The following CDKL5 variants were observed in gnomAD, a reference collection of about 807,000 sequenced individuals.
CDKL5 encodes the protein cyclin-dependent kinase-like 5.
CDKL5 carries 8 observed loss-of-function variants against 61.7 expected under a neutral mutation model. The ratio of observed to expected loss-of-function variants is 0.13; its 90% CI spans 0.08 to 0.23. CDKL5 has a LOEUF of 0.23. Ranked by LOEUF, CDKL5 falls within the 10% of genes least tolerant of loss-of-function variation. The pLI is 1.00. For synonymous variants in CDKL5, 275 were observed against 272.3 expected (o/e 1.01, Z -0.10); for missense variants, 440 against 734.5 (o/e 0.60, Z 4.63).
intron 3 of CDKL5, among the ~76,000 whole-genome samples, chrX:18,557,430 A>G (rs534755027): frequency 2.7e-5 from 3 of 111,686 alleles, no homozygotes; most frequent in African/African-American, 9.8e-5. Flanking sequence ...GGATTTTGGT[A>G]TCCTCGGGGA....
Position 18,515,777 on chromosome X carries a change from C to T in CDKL5, c.99+4923C>T, listed in dbSNP as rs183995099. On this transcript the variant is annotated intron_variant, in intron 3 of 17. Coordinates refer to ENST00000623535, the MANE Select transcript of CDKL5 (RefSeq NM_001323289.2). The stretch of plus-strand genomic sequence containing the variant: ...TAGACACTCTACTAGATGTCTCAAC[C>T]ACTACAACAAGATAACTCTATTCTT... Among the ~76,000 whole-genome samples the T allele has an allele frequency of 2.7e-5, 3 of 111,282 alleles. No individual in the cohort carries two copies. The Admixed American group carries it at 2.9e-4, about 11-fold the overall frequency.
intron 3 of CDKL5, among the ~76,000 whole-genome samples, chrX:18,527,852 T>C (rs1923501482): frequency 8.9e-6 from 1 of 112,206 alleles, no homozygotes; most frequent in Admixed American, 9.5e-5. Flanking sequence ...TATAAACTTT[T>C]CTCTAAGTGC....
chrX:18,593,243 A>G (rs1350075052), intron 9 of CDKL5, among the ~76,000 whole-genome samples: 2 of 112,255 alleles, frequency 1.8e-5, no homozygotes, highest in Admixed American at 9.4e-5. Context: ...AGTTTTGGCT[A>G]TTTGTTGAAT....
rs1927232260 is a variant in CDKL5, at chrX:18,631,370, TG to T, written c.*2614del. 1 of 754,715 alleles carries T rather than the reference TG, an allele frequency of 1.3e-6. No homozygotes were observed. The highest frequency in any genetic ancestry group is 1.6e-6 in the Non-Finnish European group (1 of 639,442). The allele number at this position is 754,715 out of a possible 1,213,427, so 62.2% of individuals were successfully genotyped here. A position where few individuals can be genotyped will look rare whatever the true frequency, so the allele number is the denominator to read the frequency against. The stretch of plus-strand genomic sequence containing the variant: ...TGTTCTGACTTTTCATCCAATAAGC[TG>T]TAAGTGAACTACAATCTGCATTTCC... On this transcript the variant is annotated 3_prime_UTR_variant, in exon 18 of 18. Coordinates refer to ENST00000623535, the MANE Select transcript of CDKL5 (RefSeq NM_001323289.2).
chrX:18,571,430 A>C lies in CDKL5; in HGVS notation c.146-3924A>C, dbSNP rs764214868. ...TTTCTTCATTTGTAAACTGGAGCCC[A>C]GCCTTGATAAAGAATCCTAGCCTAG... On this transcript the variant is annotated intron_variant, in intron 4 of 17. Coordinates refer to ENST00000623535, the MANE Select transcript of CDKL5 (RefSeq NM_001323289.2). Among the ~76,000 whole-genome samples, 13 of 111,439 alleles carry C rather than the reference A, an allele frequency of 1.2e-4. No homozygotes were observed. The South Asian group carries it at 5.0e-3, about 42-fold the overall frequency.
chrX:18,564,563 A>AT, intron 4 of CDKL5, 41 bp downstream of exon 4: 1 of 540,108 alleles, frequency 1.9e-6, no homozygotes, highest in Non-Finnish European at 2.6e-6. Context: ...GTATATATGT[A>AT]TTTTTCCTTC....
At position 18,466,355 on chromosome X, in the gene CDKL5, A is replaced by G. The variant is rs182672317; in HGVS notation, c.-162-40580A>G. The stretch of plus-strand genomic sequence containing the variant: ...TGTTATAAATGTTCCTAATGGATTT[A>G]TAAGCAAATCTTATGAAATCTTTAA... On this transcript the variant is annotated intron_variant, in intron 1 of 17. Coordinates refer to ENST00000623535, the MANE Select transcript of CDKL5 (RefSeq NM_001323289.2). 1.7e-3 allele frequency among the ~76,000 whole-genome samples: 186 copies of G among 112,287 alleles called. 1 individual carries two copies. The highest frequency in any genetic ancestry group is 5.5e-3 in the African/African-American group (170 of 30,960).
chrX:18,435,969 A>G (rs1931600569), intron 1 of CDKL5, among the ~76,000 whole-genome samples: 1 of 111,165 alleles, frequency 9.0e-6, no homozygotes, highest in South Asian at 3.8e-4. Context: ...GCAGTCAAAA[A>G]TCCAAGTATA....
intron 14 of CDKL5, among the ~76,000 whole-genome samples, chrX:18,610,091 A>G (rs185335808): frequency 7.7e-4 from 79 of 102,235 alleles, no homozygotes; most frequent in Non-Finnish European, 1.5e-3. Context: ...CCTACTCCTA[A>G]TCCCCTATCA....
chrX:18,518,385 CTTATTTTTTT>C (rs1923109665), intron 3 of CDKL5, among the ~76,000 whole-genome samples: 1 of 22,791 alleles, frequency 4.4e-5, no homozygotes. Flanking sequence ...CTTTTCTTTT[CTTATTTTTTT>C]TTTTTTTTTT....
intron 4 of CDKL5, among the ~76,000 whole-genome samples, chrX:18,566,112 T>A (rs912329890): frequency 3.6e-5 from 4 of 112,144 alleles, no homozygotes; most frequent in African/African-American, 1.3e-4. Flanking sequence ...ATAATAACTG[T>A]CATCAAATTT....
intron 6 of CDKL5, among the ~76,000 whole-genome samples, chrX:18,581,611 T>G (rs1024972231): frequency 2.7e-5 from 3 of 111,980 alleles, no homozygotes; most frequent in Admixed American, 9.5e-5. Context: ...GGCCTATATT[T>G]AATTATTCTT....
intron 1 of CDKL5, among the ~76,000 whole-genome samples, chrX:18,438,784 C>A (rs1475750379): frequency 4.5e-5 from 4 of 88,488 alleles, no homozygotes; most frequent in Admixed American, 1.3e-4. Context: ...AGCGAACCTC[C>A]GTCTCAAAAA....
At chrX:18,571,469 G>C (rs1384149001) in intron 4 of CDKL5, among the ~76,000 whole-genome samples, 1 of 111,274 alleles carries the variant, frequency 9.0e-6, no homozygotes, top group Non-Finnish European at 1.9e-5. Flanking sequence ...AAGAATCCAC[G>C]GGGATTATTT....
chrX:18,596,781 G>GT (rs972093940), intron 10 of CDKL5, among the ~76,000 whole-genome samples: 44 of 112,034 alleles, frequency 3.9e-4, no homozygotes, highest in Admixed American at 1.9e-3. Context: ...ATAATTGAAT[G>GT]TTTTTGTTAA....
chrX:18,439,179 G>A (rs1230697073), intron 1 of CDKL5, among the ~76,000 whole-genome samples: 1 of 107,526 alleles, frequency 9.3e-6, no homozygotes, highest in Non-Finnish European at 1.9e-5. Context: ...CTAGTTACCT[G>A]TGTAAGATAT....
intron 1 of CDKL5, among the ~76,000 whole-genome samples, chrX:18,438,789 CAAA>C (rs1196032367): frequency 2.0e-4 from 6 of 29,423 alleles, no homozygotes; most frequent in Admixed American, 4.0e-4. Flanking sequence ...ACCTCCGTCT[CAAA>C]AAAAAAAAAA....
intron 1 of CDKL5, among the ~76,000 whole-genome samples, chrX:18,449,739 C>T (rs1156768257): frequency 9.0e-6 from 1 of 110,923 alleles, no homozygotes; most frequent in African/African-American, 3.3e-5. Context: ...ATATTTTTTC[C>T]TGCATTTTCT....
intron 3 of CDKL5, among the ~76,000 whole-genome samples, chrX:18,539,809 A>G (rs1248213047): frequency 9.0e-6 from 1 of 111,270 alleles, no homozygotes; most frequent in Non-Finnish European, 1.9e-5. Flanking sequence ...ATCAGTTTGT[A>G]TTGTGTTCTT....
Sources: allele counts gnomAD v4.1 joint callset (sites outside exome capture counted in the v4.1 genomes callset), GRCh38; gene constraint gnomAD v4.1.1; transcripts MANE v1.5; gene names NCBI Gene and HGNC (gene_info 2026-07-23, HGNC 2026-07-21).